Variants in NBAS observed in about 807,000 individuals in gnomAD.
NBAS encodes NBAS subunit of NRZ tethering complex.
In NBAS, 219 loss-of-function variants were observed where a neutral mutation model predicts 302.5. That is an observed-to-expected ratio of 0.72 (90% CI 0.65 to 0.81). NBAS has a LOEUF of 0.81. Among genes scored for constraint, NBAS ranks in the 30% least tolerant of loss-of-function variants. The probability of loss-of-function intolerance (pLI) is 0.00; values close to 1 mark genes in which losing one functional copy is unlikely to be tolerated. For synonymous variants in NBAS, 1,118 were observed against 1,021.6 expected (o/e 1.09, Z -1.80); for missense variants, 2,932 against 2,841.6 (o/e 1.03, Z -0.72).
At chr2:14,809,722 G>C in the NBAS span, among the ~76,000 whole-genome samples, 9 of 152,146 alleles carry the variant, frequency 5.9e-5, no homozygotes, top group Non-Finnish European at 1.0e-4. Context: ...GAGGGCCACT[G>C]TTCTCCAGAC....
chr2:14,994,551 T>C, the NBAS span, among the ~76,000 whole-genome samples: 51 of 152,270 alleles, frequency 3.3e-4, no homozygotes, highest in Non-Finnish European at 6.2e-4. Flanking sequence ...GGGCCTTGGA[T>C]GTGGCTGACG....
intron 51 of NBAS, among the ~76,000 whole-genome samples, chr2:15,167,912 A>C (rs1469039308): frequency 6.6e-6 from 1 of 152,226 alleles, no homozygotes; most frequent in Non-Finnish European, 1.5e-5. Flanking sequence ...ATGTCCCTCA[A>C]GCCCACTGAT....
At chr2:14,893,349 A>G in the NBAS span, among the ~76,000 whole-genome samples, 1 of 151,872 alleles carries the variant, frequency 6.6e-6, no homozygotes, top group Non-Finnish European at 1.5e-5. Flanking sequence ...TGCTTTTTAT[A>G]TTATTTGTTT....
At chr2:15,169,659 T>C (rs894592539) in intron 51 of NBAS, among the ~76,000 whole-genome samples, 2 of 152,182 alleles carry the variant, frequency 1.3e-5, no homozygotes, top group African/African-American at 2.4e-5. Flanking sequence ...TTGTTTATTG[T>C]TTGTTTCCCT....
the NBAS span, among the ~76,000 whole-genome samples, chr2:14,867,572 T>C: frequency 6.6e-6 from 1 of 152,180 alleles, no homozygotes. Context: ...TGAGCACTAA[T>C]AAGCATGCCA....
chr2:15,020,079 G>A, the NBAS span, among the ~76,000 whole-genome samples: 1 of 152,134 alleles, frequency 6.6e-6, no homozygotes, highest in Non-Finnish European at 1.5e-5. Context: ...TTTGGAACTG[G>A]AAGGTCAACT....
chr2:15,533,342 T>C (rs1663313274), intron 9 of NBAS, among the ~76,000 whole-genome samples: 1 of 152,210 alleles, frequency 6.6e-6, no homozygotes, highest in African/African-American at 2.4e-5. Context: ...GTACTATCTT[T>C]ATAACAAAAA....
intron 44 of NBAS, among the ~76,000 whole-genome samples, chr2:15,274,191 T>C (rs1468597982): frequency 6.6e-6 from 1 of 152,152 alleles, no homozygotes; most frequent in Non-Finnish European, 1.5e-5. Context: ...AGGGTTGCAA[T>C]AATAAGAAAA....
chr2:14,860,509 A>G, the NBAS span, among the ~76,000 whole-genome samples: 2 of 152,230 alleles, frequency 1.3e-5, no homozygotes, highest in Non-Finnish European at 2.9e-5. Flanking sequence ...CATAAAAATG[A>G]ATGATATCCT....
intron 47 of NBAS, among the ~76,000 whole-genome samples, chr2:15,221,570 A>T (rs1666949785): frequency 6.6e-6 from 1 of 152,228 alleles, no homozygotes; most frequent in Admixed American, 6.5e-5. Context: ...TATTATCCAA[A>T]TTACTAATAT....
chr2:15,361,906 G>A (rs1673947405), intron 32 of NBAS, among the ~76,000 whole-genome samples: 1 of 152,138 alleles, frequency 6.6e-6, no homozygotes, highest in South Asian at 2.1e-4. Flanking sequence ...CTTGAACCCA[G>A]GAGGCGGAGG....
chr2:14,877,896 CT>C, the NBAS span, among the ~76,000 whole-genome samples: 1 of 152,246 alleles, frequency 6.6e-6, no homozygotes, highest in South Asian at 2.1e-4. Flanking sequence ...CACCTTTAAC[CT>C]TTTACTGTCT....
At chr2:15,053,554 T>C in the NBAS span, among the ~76,000 whole-genome samples, 1 of 152,036 alleles carries the variant, frequency 6.6e-6, no homozygotes, top group East Asian at 1.9e-4. Context: ...AAACCCCAAA[T>C]TGACACAGTC....
the NBAS span, among the ~76,000 whole-genome samples, chr2:15,098,609 TATA>T: frequency 7.5e-6 from 1 of 132,470 alleles, no homozygotes; most frequent in Non-Finnish European, 1.5e-5. Flanking sequence ...ATATATTGTA[TATA>T]ATGTATTATA....
At chr2:15,453,127 G>C (rs944538898) in intron 21 of NBAS, among the ~76,000 whole-genome samples, 1 of 152,088 alleles carries the variant, frequency 6.6e-6, no homozygotes, top group African/African-American at 2.4e-5. Context: ...ACACTCCCCA[G>C]TTAAAATTGG....
intron 51 of NBAS, among the ~76,000 whole-genome samples, chr2:15,174,744 T>C (rs1664452588): frequency 1.3e-5 from 2 of 152,194 alleles, no homozygotes; most frequent in South Asian, 4.1e-4. Flanking sequence ...GAATGTTAGG[T>C]CTGGTGTTTA....
the NBAS span, among the ~76,000 whole-genome samples, chr2:14,800,929 G>A: frequency 2.0e-4 from 31 of 151,582 alleles, no homozygotes; most frequent in South Asian, 6.3e-3. Context: ...TCATAGTGTA[G>A]TTCTGTAGGT....
chr2:15,508,320 C>T (rs756358443), intron 10 of NBAS, among the ~76,000 whole-genome samples: 5 of 152,112 alleles, frequency 3.3e-5, no homozygotes, highest in South Asian at 2.1e-4. Flanking sequence ...TCCAATACTT[C>T]AGTAAGGTGC....
the NBAS span, among the ~76,000 whole-genome samples, chr2:14,814,332 C>T: frequency 0.022 from 3,331 of 152,310 alleles, 65 homozygotes; most frequent in Admixed American, 0.052. Flanking sequence ...GCCACAGGCA[C>T]TCAATGCCAG....
Sources: gnomAD v4.1 joint callset for allele counts (sites outside exome capture counted in the v4.1 genomes callset) on GRCh38, gnomAD v4.1.1 for gene constraint, MANE v1.5 for transcripts, NCBI Gene and HGNC (gene_info 2026-07-23, HGNC 2026-07-21) for gene names.